MMP17: variants seen among roughly 807,000 people sequenced by gnomAD.
MMP17 encodes matrix metalloproteinase-17.
In MMP17, 54 loss-of-function variants were observed where a neutral mutation model predicts 49.1. The ratio of observed to expected loss-of-function variants is 1.10; its 90% CI spans 0.88 to 1.38. The LOEUF (loss-of-function observed/expected upper bound fraction) is 1.38, where lower values mean the gene tolerates loss of function less well. Among genes scored for constraint, MMP17 ranks in the 40% most tolerant of loss-of-function variants. MMP17 has a pLI of 0.00. For missense variants in MMP17, 837 were observed against 853.7 expected, an observed-to-expected ratio of 0.98 and a Z score of 0.24; for synonymous variants, 397 against 383.1, an observed-to-expected ratio of 1.04 and a Z score of -0.42.
At chr12:131,832,891 A>G (rs923080563) in intron 1 of MMP17, among the ~76,000 whole-genome samples, 18 of 151,982 alleles carry the variant, frequency 1.2e-4, no homozygotes, top group African/African-American at 4.4e-4. Context: ...TGCTGTCCCC[A>G]CCACCGTGAG....
chr12:131,848,997 G>T (rs368585632), intron 8 of MMP17, among the ~76,000 whole-genome samples: 3 of 152,266 alleles, frequency 2.0e-5, no homozygotes, highest in South Asian at 2.1e-4. Flanking sequence ...TCTGTCTCCC[G>T]CAGCGGCTGC....
Position 131,844,049 on chromosome 12 carries a change from G to T in MMP17, c.936G>T (p.Leu312=). Residue 312 remains leucine, a synonymous_variant, in exon 6 of 10, where the codon CTG becomes CTT. Transcript: ENST00000360564. Reference sequence around the variant, plus strand: ...CGCAGCCCGAGGAGCCTCCCCTGCTGCCGGAGCCCCCAGACAACCGGTCCA... The same window carrying T: ...CGCAGCCCGAGGAGCCTCCCCTGCTTCCGGAGCCCCCAGACAACCGGTCCA... ...PTAQPEEPPL[L]PEPPDNRSSA... is the part of the protein sequence containing the mutation. 6.4e-7 allele frequency: 1 copy of T among 1,569,358 alleles called. No homozygotes were observed. The highest frequency in any genetic ancestry group is 2.4e-5 in the East Asian group (1 of 42,454).
intron 8 of MMP17, among the ~76,000 whole-genome samples, chr12:131,848,736 C>T (rs896145044): frequency 1.1e-4 from 17 of 152,190 alleles, no homozygotes; most frequent in East Asian, 1.9e-4. Flanking sequence ...CTCATACACG[C>T]GGTGGCACGT....
At chr12:131,849,231 C>T (rs1488079675) in intron 8 of MMP17, among the ~76,000 whole-genome samples, 2 of 152,208 alleles carry the variant, frequency 1.3e-5, no homozygotes, top group African/African-American at 2.4e-5. Flanking sequence ...CACCTGTAAT[C>T]CCAGCACTTT....
At chr12:131,830,702 C>G (rs1338764771) in intron 1 of MMP17, among the ~76,000 whole-genome samples, 1 of 152,150 alleles carries the variant, frequency 6.6e-6, no homozygotes, top group Non-Finnish European at 1.5e-5. Context: ...TCCTTTGTCT[C>G]AGAGCTGCAG....
At position 131,828,481 on chromosome 12, in the gene MMP17, C is replaced by T; in HGVS notation, c.-14C>T. The T allele has an allele frequency of 1.0e-6, 1 of 992,216 alleles. No homozygotes were observed. The highest frequency in any genetic ancestry group is 1.2e-6 in the Non-Finnish European group (1 of 835,316). The allele number at this position is 992,216 out of a possible 1,614,324, so 61.5% of individuals were successfully genotyped here. A position where few individuals can be genotyped will look rare whatever the true frequency, so the allele number is the denominator to read the frequency against. On this transcript the variant is annotated 5_prime_UTR_variant, in exon 1 of 10. Transcript: ENST00000360564. ...CGGGACCCTGCACGCCGCCCGCGGG[C>T]CCATGTGAGCGCCATGCGGCGCCGC...
At chr12:131,840,948 C>A (rs1409282950) in intron 4 of MMP17, 92 bp downstream of exon 4, 3 of 1,386,420 alleles carry the variant, frequency 2.2e-6, no homozygotes, top group Non-Finnish European at 2.9e-6. Flanking sequence ...CCCAACCCTG[C>A]GGCTGAAAAC....
chr12:131,832,846 G>A (rs543225908), intron 1 of MMP17, among the ~76,000 whole-genome samples: 8 of 152,216 alleles, frequency 5.3e-5, no homozygotes, highest in African/African-American at 1.2e-4. Context: ...GCTCCTCTGC[G>A]CTGTGTGTTT....
At chr12:131,834,585 G>T (rs1192255231) in intron 1 of MMP17, among the ~76,000 whole-genome samples, 3 of 152,066 alleles carry the variant, frequency 2.0e-5, no homozygotes, top group Non-Finnish European at 4.4e-5. Flanking sequence ...CCATCCTACA[G>T]CAGGCATCCC....
chr12:131,845,006 C>T (rs1887618490), intron 6 of MMP17, 112 bp from the exon 7 acceptor site: 3 of 1,075,244 alleles, frequency 2.8e-6, no homozygotes, highest in Middle Eastern at 2.3e-4. Flanking sequence ...GATAGGGGCT[C>T]CACACAAGGA....
chr12:131,833,106 TA>T, intron 1 of MMP17, among the ~76,000 whole-genome samples: 1 of 152,240 alleles, frequency 6.6e-6, no homozygotes, highest in Admixed American at 6.5e-5. Context: ...TTCTCATCTG[TA>T]AACTGGGAGT....
rs930403977 is a variant in MMP17, at chr12:131,848,586, G to GCCCCGCCCCTCCCCTGGGCAC, written c.1205-1211_1205-1191dup. ...GGATGCCCCGCCCCGCCCCTGGGCA[G>GCCCCGCCCCTCCCCTGGGCAC]CCCCGCCCCTCCCCTGGGCACCCCC... On this transcript the variant is annotated intron_variant, in intron 8 of 9. Coordinates refer to ENST00000360564, the MANE Select transcript of MMP17 (RefSeq NM_016155.7). Among the ~76,000 whole-genome samples the GCCCCGCCCCTCCCCTGGGCAC allele has an allele frequency of 2.7e-5, 4 of 147,158 alleles. No individual in the cohort carries two copies. In the Admixed American group the frequency reaches 2.8e-4, roughly 10 times the overall value.
At chr12:131,838,364 C>A (rs1302132570) in intron 2 of MMP17, 37 bp downstream of exon 2, 1 of 1,605,688 alleles carries the variant, frequency 6.2e-7, no homozygotes, top group Admixed American at 1.7e-5. Context: ...CGCCGTGGCC[C>A]CCGTCAGGTC....
chr12:131,837,892 A>C (rs1330985923), intron 1 of MMP17, among the ~76,000 whole-genome samples: 1 of 152,078 alleles, frequency 6.6e-6, no homozygotes, highest in African/African-American at 2.4e-5. Flanking sequence ...TTGTATTTTT[A>C]GTAGAGACGG....
At position 131,845,124 on chromosome 12, in the gene MMP17, G is replaced by A; in HGVS notation, c.975G>A (p.Arg325=). ...PPDNRSSAPP[R]KDVPHRCSTH... is the part of the protein sequence containing the mutation. The stretch of plus-strand genomic sequence containing the variant: ...CCTGGCTCTCTCCCTGCAGGCCCAG[G>A]AAGGACGTGCCCCACAGATGCAGCA... Residue 325 remains arginine, a synonymous_variant, in exon 7 of 10, where the codon AGG becomes AGA. Coordinates refer to ENST00000360564, the MANE Select transcript of MMP17 (RefSeq NM_016155.7). The A allele has an allele frequency of 2.5e-6, 4 of 1,614,010 alleles. No individual in the cohort carries two copies. Among genetic ancestry groups the A allele is most frequent in the Non-Finnish European group, 3.4e-6 (4 of 1,179,914 alleles).
chr12:131,836,017 A>G (rs778536282), intron 1 of MMP17, among the ~76,000 whole-genome samples: 4 of 152,180 alleles, frequency 2.6e-5, no homozygotes, highest in Non-Finnish European at 4.4e-5. Flanking sequence ...GTCAAGGCCA[A>G]GGCTGTCACC....
Position 131,851,374 on chromosome 12 carries a change from A to T in MMP17, c.*100A>T. 8.9e-7 allele frequency: 1 copy of T among 1,127,858 alleles called. No homozygotes were observed. The highest frequency in any genetic ancestry group is 1.1e-6 in the Non-Finnish European group (1 of 869,734). The allele number at this position is 1,127,858 out of a possible 1,614,324, so 69.9% of individuals were successfully genotyped here. The stretch of plus-strand genomic sequence containing the variant: ...TCCCTGGGGGAGGTGCTGGCGCGGG[A>T]TGAGGACGGGCCACCCTGGCACCGG... On this transcript the variant is annotated 3_prime_UTR_variant, in exon 10 of 10. Transcript: ENST00000360564.
At chr12:131,842,712 G>T (rs1181683732) in intron 5 of MMP17, among the ~76,000 whole-genome samples, 1 of 151,856 alleles carries the variant, frequency 6.6e-6, no homozygotes, top group Non-Finnish European at 1.5e-5. Context: ...GGCAGAGGTT[G>T]CAGTGAGCTG....
In MMP17 at chr12:131,838,645, G is replaced by A. The variant is rs376663973; in HGVS notation, c.326G>A (p.Arg109His). The part of the protein sequence containing the change: ...EATLALMKTP[R>H]CSLPDLPVLT... ...ACCCTGGCCCTGATGAAAACCCCAC[G>A]CTGCTCCCTGCCAGACCTCCCTGTC... is the stretch of plus-strand genomic sequence containing the variant. Residue 109 changes from arginine to histidine, a missense_variant, in exon 3 of 10, where the codon CGC (arginine) becomes CAC (histidine). By Grantham distance (29) the Arg-to-His change is conservative. Coordinates refer to ENST00000360564, the MANE Select transcript of MMP17 (RefSeq NM_016155.7). The A allele has an allele frequency of 1.3e-4, 212 of 1,611,186 alleles. No individual in the cohort carries two copies. The highest frequency in any genetic ancestry group is 1.7e-4 in the Non-Finnish European group (197 of 1,179,778).
Sources: allele counts gnomAD v4.1 joint callset (sites outside exome capture counted in the v4.1 genomes callset), GRCh38; gene constraint gnomAD v4.1.1; transcripts MANE v1.5; gene names NCBI Gene and HGNC (gene_info 2026-07-23, HGNC 2026-07-21).